BABAM2: variants seen among roughly 807,000 people sequenced by gnomAD.
BABAM2 encodes BRISC and BRCA1-A complex member 2.
Under a neutral mutation model 54.7 loss-of-function variants are expected in BABAM2, and 31 were observed. The ratio of observed to expected loss-of-function variants is 0.57; its 90% CI spans 0.43 to 0.77. The LOEUF (loss-of-function observed/expected upper bound fraction) is 0.77. Ranked by LOEUF, BABAM2 falls within the 30% of genes least tolerant of loss-of-function variation. The pLI is 0.00. For synonymous variants in BABAM2, 167 were observed against 162.9 expected (o/e 1.03, Z -0.19); for missense variants, 364 against 455.8 (o/e 0.80, Z 1.83).
At chr2:28,306,141 C>T (rs1374862253) in intron 11 of BABAM2, among the ~76,000 whole-genome samples, 1 of 152,150 alleles carries the variant, frequency 6.6e-6, no homozygotes, top group Non-Finnish European at 1.5e-5. Flanking sequence ...TGTAGACCAG[C>T]ATGTGATCTA....
At chr2:28,200,986 G>T (rs1678205814) in intron 7 of BABAM2, among the ~76,000 whole-genome samples, 1 of 152,104 alleles carries the variant, frequency 6.6e-6, no homozygotes. Flanking sequence ...GGCCAGGCTG[G>T]TCTCAAACTC....
At chr2:28,195,993 G>A (rs1677491070) in intron 7 of BABAM2, among the ~76,000 whole-genome samples, 1 of 152,192 alleles carries the variant, frequency 6.6e-6, no homozygotes, top group African/African-American at 2.4e-5. Context: ...TCTACATGGT[G>A]AGCATTTTGT....
chr2:28,152,880 G>A (rs866420418), intron 7 of BABAM2, among the ~76,000 whole-genome samples: 55 of 152,148 alleles, frequency 3.6e-4, no homozygotes, highest in African/African-American at 1.2e-3. Flanking sequence ...AGTTTTATAG[G>A]AAGTTTATAT....
chr2:27,990,249 G>A (rs1400957695), intron 4 of BABAM2, among the ~76,000 whole-genome samples: 2 of 152,176 alleles, frequency 1.3e-5, no homozygotes, highest in African/African-American at 4.8e-5. Flanking sequence ...AGTTCTGAAG[G>A]TTGCTCTTGA....
chr2:28,333,143 T>C (rs1368384449), intron 11 of BABAM2, among the ~76,000 whole-genome samples: 1 of 151,984 alleles, frequency 6.6e-6, no homozygotes, highest in African/African-American at 2.4e-5. Context: ...TTATGCCAGG[T>C]ACCATGCCAA....
intron 11 of BABAM2, among the ~76,000 whole-genome samples, chr2:28,334,925 G>A (rs926070606): frequency 6.6e-6 from 1 of 152,196 alleles, no homozygotes; most frequent in African/African-American, 2.4e-5. Context: ...TGACTGTGGC[G>A]ACTGTGGCAT....
intron 11 of BABAM2, among the ~76,000 whole-genome samples, chr2:28,332,071 A>G (rs1487677396): frequency 1.3e-5 from 2 of 152,194 alleles, no homozygotes; most frequent in South Asian, 2.1e-4. Flanking sequence ...GGAACAGAAA[A>G]CCAAACACAT....
At chr2:28,117,711 GC>G (rs1184185794) in intron 6 of BABAM2, among the ~76,000 whole-genome samples, 1 of 152,186 alleles carries the variant, frequency 6.6e-6, no homozygotes, top group African/African-American at 2.4e-5. Context: ...GAAAGGACCA[GC>G]CTTTTCCTAG....
chr2:28,173,140 C>T lies in BABAM2; in HGVS notation c.680+43760C>T, dbSNP rs529682384. 1.1e-4 allele frequency among the ~76,000 whole-genome samples: 16 copies of T among 152,276 alleles called. No homozygotes were observed. In the East Asian group the frequency reaches 2.7e-3, roughly 26 times the overall value. ...GATACTATCTCTAAATATTATCACA[C>T]TGAGGATTAGGATTTTAACATTTGA... is the stretch of plus-strand genomic sequence containing the variant. On this transcript the variant is annotated intron_variant, in intron 7 of 11. Transcript: ENST00000379624.
rs559213542 is a variant in BABAM2 at position 27,901,033 on chromosome 2, A to G, written c.128+6349A>G. 8.4e-5 allele frequency among the ~76,000 whole-genome samples: 10 copies of G among 118,910 alleles called. No homozygotes were observed. The South Asian group carries it at 2.7e-3, about 32-fold the overall frequency. 78.0% of individuals were successfully genotyped at this position (118,910 alleles called of 152,430 possible). On this transcript the variant is annotated intron_variant, in intron 2 of 11. Coordinates refer to ENST00000379624, the MANE Select transcript of BABAM2 (RefSeq NM_199191.3). The stretch of plus-strand genomic sequence containing the variant: ...ACTCCAGCCTGGGCGACAGAGTGAG[A>G]CTCTGTCTCAAAAAAAAAAAAAAAA...
chr2:28,338,272 A>G (rs985508607), intron 11 of BABAM2, among the ~76,000 whole-genome samples, 178 bp from the exon 12 acceptor site: 1 of 152,266 alleles, frequency 6.6e-6, no homozygotes, highest in Non-Finnish European at 1.5e-5. Context: ...AGTGAACTGC[A>G]TGCATCTCCT....
At chr2:28,320,430 T>A (rs1689933423) in intron 11 of BABAM2, among the ~76,000 whole-genome samples, 1 of 152,256 alleles carries the variant, frequency 6.6e-6, no homozygotes. Flanking sequence ...GTCAGCGCTG[T>A]CGCACACTCT....
At chr2:28,030,260 T>G (rs1034374081) in intron 5 of BABAM2, among the ~76,000 whole-genome samples, 16 of 152,244 alleles carry the variant, frequency 1.1e-4, no homozygotes, top group Non-Finnish European at 2.1e-4. Flanking sequence ...ATTTATAGTA[T>G]TTTTTAAACT....
intron 10 of BABAM2, among the ~76,000 whole-genome samples, chr2:28,292,258 A>G (rs368866493): frequency 1.3e-5 from 2 of 152,360 alleles, no homozygotes; most frequent in East Asian, 3.9e-4. Flanking sequence ...GGAAGCAATT[A>G]TGGTTAACCC....
At chr2:27,960,136 T>TA (rs1670366486) in intron 3 of BABAM2, among the ~76,000 whole-genome samples, 1 of 152,172 alleles carries the variant, frequency 6.6e-6, no homozygotes, top group South Asian at 2.1e-4. Flanking sequence ...GGATCCTTCA[T>TA]ACCATTTTTT....
chr2:28,141,824 T>G (rs995095780), intron 7 of BABAM2, among the ~76,000 whole-genome samples: 8 of 152,196 alleles, frequency 5.3e-5, no homozygotes, highest in African/African-American at 1.9e-4. Context: ...ATTTACTTAG[T>G]TTTCAGGGCA....
intron 11 of BABAM2, among the ~76,000 whole-genome samples, chr2:28,315,395 A>G (rs1689443892): frequency 6.6e-6 from 1 of 150,384 alleles, no homozygotes; most frequent in African/African-American, 2.4e-5. Flanking sequence ...GTAGGCAGTA[A>G]GGTATTTCTT....
At chr2:28,243,495 A>G (rs1682633419) in intron 9 of BABAM2, among the ~76,000 whole-genome samples, 1 of 151,162 alleles carries the variant, frequency 6.6e-6, no homozygotes, top group South Asian at 2.1e-4. Flanking sequence ...TCATGCCACT[A>G]TACTCTAGCC....
chr2:28,297,804 A>G (rs1687815655), intron 10 of BABAM2, among the ~76,000 whole-genome samples: 1 of 152,206 alleles, frequency 6.6e-6, no homozygotes, highest in Non-Finnish European at 1.5e-5. Context: ...GCCATATCCT[A>G]TAAAGTAGAA....
Sources: allele counts gnomAD v4.1 joint callset (sites outside exome capture counted in the v4.1 genomes callset), GRCh38; gene constraint gnomAD v4.1.1; transcripts MANE v1.5; gene names NCBI Gene and HGNC (gene_info 2026-07-23, HGNC 2026-07-21).